UBE2E1: variants seen among roughly 807,000 people sequenced by gnomAD.
UBE2E1 encodes the protein ubiquitin conjugating enzyme E2 E1.
A neutral mutation model predicts 21.4 loss-of-function variants in UBE2E1; 6 were observed. That is an observed-to-expected ratio of 0.28 (90% CI 0.15 to 0.55). The LOEUF is 0.55. Among genes scored for constraint, UBE2E1 ranks in the 20% least tolerant of loss-of-function variants. The pLI, the probability that UBE2E1 is intolerant of heterozygous loss-of-function variation, is 0.93. For synonymous variants in UBE2E1, 87 were observed against 82.7 expected (o/e 1.05, Z -0.28); for missense variants, 142 against 236.5 (o/e 0.60, Z 2.62).
At chr3:23,875,755 T>A (rs868366675) in intron 3 of UBE2E1, among the ~76,000 whole-genome samples, 1 of 152,232 alleles carries the variant, frequency 6.6e-6, no homozygotes, top group Non-Finnish European at 1.5e-5. Context: ...TATAACTTCC[T>A]TGATACAGTG....
At chr3:23,875,925 ACCACGCC>A (rs1252930490) in intron 3 of UBE2E1, among the ~76,000 whole-genome samples, 11 of 152,234 alleles carry the variant, frequency 7.2e-5, no homozygotes, top group Non-Finnish European at 1.5e-5. Flanking sequence ...GGCGCTCGCC[ACCACGCC>A]CAGCTAATTT....
chr3:23,886,260 G>C (rs753908038), intron 3 of UBE2E1, among the ~76,000 whole-genome samples: 1 of 152,274 alleles, frequency 6.6e-6, no homozygotes, highest in African/African-American at 2.4e-5. Context: ...ATCACAAAGA[G>C]ATATTAAAGA....
chr3:23,822,996 G>A (rs1237276092), intron 3 of UBE2E1, among the ~76,000 whole-genome samples: 1 of 152,020 alleles, frequency 6.6e-6, no homozygotes, highest in African/African-American at 2.4e-5. Context: ...ACAGGCATGT[G>A]CCACCACGCC....
intron 3 of UBE2E1, among the ~76,000 whole-genome samples, chr3:23,880,788 G>A (rs971621483): frequency 6.6e-6 from 1 of 152,180 alleles, no homozygotes; most frequent in African/African-American, 2.4e-5. Context: ...AGTTACCCTG[G>A]AAGATTTTAA....
At chr3:23,843,308 T>A (rs1700132744) in intron 3 of UBE2E1, among the ~76,000 whole-genome samples, 1 of 152,234 alleles carries the variant, frequency 6.6e-6, no homozygotes, top group Admixed American at 6.5e-5. Flanking sequence ...GCTTAGCATA[T>A]AATATGTGTT....
chr3:23,865,296 TA>T (rs1297227334), intron 3 of UBE2E1, among the ~76,000 whole-genome samples: 1 of 152,210 alleles, frequency 6.6e-6, no homozygotes, highest in Non-Finnish European at 1.5e-5. Flanking sequence ...TTAGGTAGTT[TA>T]TGTCATAGGA....
rs1234899035 is a variant in UBE2E1, at chr3:23,810,527, A to G, written c.153-933A>G. 2 of 1,534,798 alleles carry G rather than the reference A, an allele frequency of 1.3e-6. No homozygotes were observed. The highest frequency in any genetic ancestry group is 2.5e-5 in the East Asian group (1 of 40,784). On this transcript the variant is annotated intron_variant, in intron 2 of 5. Coordinates refer to ENST00000306627, the MANE Select transcript of UBE2E1 (RefSeq NM_003341.5). The surrounding 1 kb of genome is among the most constrained non-coding windows in gnomAD (Gnocchi z 5.8). Reference sequence around the variant, plus strand: ...AGTTAGAGGACGCCCGGGGAAAAGCAGGTCCGGGGAGGTGGGCCGAGAGTC... The same window carrying G: ...AGTTAGAGGACGCCCGGGGAAAAGCGGGTCCGGGGAGGTGGGCCGAGAGTC...
chr3:23,866,730 T>C (rs1700665537), intron 3 of UBE2E1, among the ~76,000 whole-genome samples: 2 of 152,246 alleles, frequency 1.3e-5, no homozygotes, highest in African/African-American at 4.8e-5. Context: ...TATTTTCACC[T>C]AATTGATTTC....
chr3:23,877,587 G>C (rs1007229191), intron 3 of UBE2E1, among the ~76,000 whole-genome samples: 1 of 152,016 alleles, frequency 6.6e-6, no homozygotes, highest in African/African-American at 2.4e-5. Flanking sequence ...CCAAACGTCA[G>C]GGGGTGGGGT....
intron 3 of UBE2E1, among the ~76,000 whole-genome samples, chr3:23,839,336 C>T (rs138038529): frequency 1.3e-3 from 192 of 151,804 alleles, no homozygotes; most frequent in Non-Finnish European, 1.9e-3. Context: ...TGGTGACATG[C>T]GCATGTAGTC....
At chr3:23,815,396 G>T (rs1199045266) in intron 3 of UBE2E1, among the ~76,000 whole-genome samples, 2 of 152,088 alleles carry the variant, frequency 1.3e-5, no homozygotes, top group South Asian at 2.1e-4. Flanking sequence ...TATTATACAA[G>T]AATGCATGTT....
intron 3 of UBE2E1, among the ~76,000 whole-genome samples, chr3:23,883,127 T>C (rs1272614647): frequency 6.6e-6 from 1 of 152,160 alleles, no homozygotes; most frequent in East Asian, 1.9e-4. Context: ...ACCCTCCTTT[T>C]CCCAATTCAG....
chr3:23,806,189 G>A lies in UBE2E1; in HGVS notation c.-34+101G>A, dbSNP rs1699260988. On this transcript the variant is annotated intron_variant, in intron 1 of 5. Transcript: ENST00000306627. The surrounding 1 kb of genome is among the most constrained non-coding windows in gnomAD (Gnocchi z 6.5). Reference sequence around the variant, plus strand: ...CCCGACTCGCGCCGCCGGGGCCGCCGGGCCGCAGGGCACGGGGCCGGCGCG... The same window carrying A: ...CCCGACTCGCGCCGCCGGGGCCGCCAGGCCGCAGGGCACGGGGCCGGCGCG... 6.8e-6 allele frequency: 1 copy of A among 147,794 alleles called. No individual in the cohort carries two copies. The highest frequency in any genetic ancestry group is 6.7e-5 in the Admixed American group (1 of 14,918). 9.2% of individuals were successfully genotyped at this position (147,794 alleles called of 1,614,324 possible). A position where few individuals can be genotyped will look rare whatever the true frequency, so the allele number is the denominator to read the frequency against.
intron 3 of UBE2E1, among the ~76,000 whole-genome samples, chr3:23,855,650 A>G (rs561780524): frequency 6.6e-6 from 1 of 152,166 alleles, no homozygotes; most frequent in Admixed American, 6.5e-5. Context: ...TAACATGATG[A>G]AACCCCGTCT....
In UBE2E1 at chr3:23,887,204, G is replaced by A. The variant is rs894245878; in HGVS notation, c.204-363G>A. Among the ~76,000 whole-genome samples, 57 of 152,260 alleles carry A rather than the reference G, an allele frequency of 3.7e-4. No homozygotes were observed. The highest frequency in any genetic ancestry group is 3.7e-3 in the Admixed American group (56 of 15,302). On this transcript the variant is annotated intron_variant, in intron 3 of 5. Coordinates refer to ENST00000306627, the MANE Select transcript of UBE2E1 (RefSeq NM_003341.5). The surrounding 1 kb of genome is among the most constrained non-coding windows in gnomAD (Gnocchi z 4.4). ...AAATGGTCATAAGTGATGTAGCTGT[G>A]AGCAAAAACTGCTCGCATTTGTCAC... is the stretch of plus-strand genomic sequence containing the variant.
rs764254159 is a variant in UBE2E1 at position 23,844,063 on chromosome 3, G to A, written c.203+32553G>A. Among the ~76,000 whole-genome samples, 57 of 152,224 alleles carry A rather than the reference G, an allele frequency of 3.7e-4. 1 individual carries two copies. Among genetic ancestry groups the A allele is most frequent in the East Asian group, 3.9e-4 (2 of 5,178 alleles). ...AAGGCAACTCATATGTAAAATGGGA[G>A]TATGTAAAAATAATTTGTGGGAGAG... On this transcript the variant is annotated intron_variant, in intron 3 of 5. Coordinates refer to ENST00000306627, the MANE Select transcript of UBE2E1 (RefSeq NM_003341.5).
intron 4 of UBE2E1, chr3:23,888,278 T>C (rs1701239735): frequency 8.8e-6 from 4 of 456,996 alleles, no homozygotes; most frequent in Admixed American, 7.0e-5. Flanking sequence ...ATTGCCCAAG[T>C]CACCCATCTC....
At chr3:23,874,341 C>A (rs1700870461) in intron 3 of UBE2E1, among the ~76,000 whole-genome samples, 1 of 152,122 alleles carries the variant, frequency 6.6e-6, no homozygotes, top group African/African-American at 2.4e-5. Flanking sequence ...ATACGTTCTC[C>A]CCTCAAAAAG....
chr3:23,849,097 A>T (rs149380784), intron 3 of UBE2E1, among the ~76,000 whole-genome samples: 4 of 152,270 alleles, frequency 2.6e-5, no homozygotes, highest in Admixed American at 2.6e-4. Context: ...AAGTTTTTGC[A>T]TGGCTATATT....
Sources: allele counts gnomAD v4.1 joint callset (sites outside exome capture counted in the v4.1 genomes callset), GRCh38; gene constraint gnomAD v4.1.1; non-coding constraint Gnocchi (gnomAD v3.1); transcripts MANE v1.5; gene names NCBI Gene and HGNC (gene_info 2026-07-23, HGNC 2026-07-21).